Variants in ALOX15 observed in about 807,000 individuals in gnomAD.
ALOX15 encodes the protein polyunsaturated fatty acid lipoxygenase ALOX15.
A neutral mutation model predicts 71.7 loss-of-function variants in ALOX15; 68 were observed. The ratio of observed to expected loss-of-function variants is 0.95; its 90% confidence interval spans 0.78 to 1.16. The LOEUF (loss-of-function observed/expected upper bound fraction) is 1.16. Ranked by LOEUF, ALOX15 falls within the 50% of genes most tolerant of loss-of-function variation. The pLI, the probability that ALOX15 is intolerant of heterozygous loss-of-function variation, is 0.00. For missense variants in ALOX15, 798 were observed against 818.8 expected, an observed-to-expected ratio of 0.97 and a Z score of 0.31; for synonymous variants, 346 against 333.3, an observed-to-expected ratio of 1.04 and a Z score of -0.42.
chr17:4,631,568 TG>T lies in ALOX15; in HGVS notation c.*31del. The T allele has an allele frequency of 6.2e-7, 1 of 1,609,068 alleles. No homozygotes were observed. On this transcript the variant is annotated 3_prime_UTR_variant, in exon 14 of 14. Transcript: ENST00000293761. ...AGGGGTCAGCTTGTGGCTTGGGTGA[TG>T]GGGGCTGAAATAACCAAAGGGTGGC...
At position 4,633,327 on chromosome 17, in the gene ALOX15, G is replaced by A; in HGVS notation, c.1249-12C>T. On this transcript the variant is annotated splice_polypyrimidine_tract_variant and intron_variant, in intron 9 of 13. Coordinates refer to ENST00000293761, the MANE Select transcript of ALOX15 (RefSeq NM_001140.5). ...CCAGTGCTCATTATCTGAGAAGTGAGGGTGAGCAGGGTCAGGCGAATCGAC... is the reference window on the plus strand; with the variant it reads ...CCAGTGCTCATTATCTGAGAAGTGAAGGTGAGCAGGGTCAGGCGAATCGAC... 1 of 1,612,306 alleles carries A rather than the reference G, an allele frequency of 6.2e-7. No individual in the cohort carries two copies. Among genetic ancestry groups the A allele is most frequent in the Non-Finnish European group, 8.5e-7 (1 of 1,178,534 alleles).
intron 8 of ALOX15, among the ~76,000 whole-genome samples, 168 bp from the exon 9 acceptor site, chr17:4,633,668 A>G (rs1388542495): frequency 6.6e-6 from 1 of 152,176 alleles, no homozygotes; most frequent in Non-Finnish European, 1.5e-5. Flanking sequence ...CAACCCAGCA[A>G]TCCCATTACT....
Position 4,631,782 on chromosome 17 carries a change from G to C in ALOX15, c.1810-3C>G. The stretch of plus-strand genomic sequence containing the variant: ...TCCTCATGCTGGCCCACAGCCACCT[G>C]GGAGGGAGAGGAAAAGGTGGCTGAG... On this transcript the variant is annotated splice_polypyrimidine_tract_variant and splice_region_variant and intron_variant, in intron 13 of 13. Transcript: ENST00000293761. The C allele has an allele frequency of 6.2e-7, 1 of 1,613,920 alleles. No homozygotes were observed.
rs1464039484 is a variant in ALOX15, at chr17:4,641,562, G to GT, written c.89dup (p.His30GlnfsTer43). On this transcript the variant is annotated frameshift_variant, in exon 1 of 14. Coordinates refer to ENST00000293761, the MANE Select transcript of ALOX15 (RefSeq NM_001140.5). LOFTEE classifies it high-confidence loss of function. The stretch of plus-strand genomic sequence containing the variant: ...GTCGCTTCCCGAGCGCCGCCTCCCC[G>GT]TGCTGGCCGACCAGCCACAGCTGCA... 6.2e-7 allele frequency: 1 copy of GT among 1,613,336 alleles called. No homozygotes were observed. Among genetic ancestry groups the GT allele is most frequent in the South Asian group, 1.1e-5 (1 of 91,084 alleles).
At chr17:4,639,375 C>T in intron 2 of ALOX15, 55 bp downstream of exon 2, 1 of 1,601,012 alleles carries the variant, frequency 6.2e-7, no homozygotes, top group Non-Finnish European at 8.5e-7. Flanking sequence ...ACGCGCATCC[C>T]CCCAGCTTCT....
chr17:4,632,145 G>A, intron 12 of ALOX15, 36 bp downstream of exon 12: 2 of 1,613,626 alleles, frequency 1.2e-6, no homozygotes, highest in African/African-American at 1.3e-5. Context: ...CTCACTCCAG[G>A]CCCCAAATTC....
chr17:4,634,614 ATC>A (rs1911028378), intron 8 of ALOX15, among the ~76,000 whole-genome samples: 2 of 151,938 alleles, frequency 1.3e-5, no homozygotes, highest in South Asian at 2.1e-4. Flanking sequence ...TATACTGTAT[ATC>A]TGTCTATGTA....
rs200056331 is a variant in ALOX15 at position 4,638,672 on chromosome 17, G to C, written c.555C>G (p.Leu185=). The change falls in exon 5 of 14, where the codon CTC becomes CTG. Residue 185 remains leucine, a synonymous_variant. Transcript: ENST00000293761. The part of the protein sequence containing the change: ...EVSLAKGLAD[L]AIKDSLNVLT... ...GAACATTTAGAGAGTCTTTGATAGC[G>C]AGGTCGGCCAGCCTTCAGGGCAGGA... The C allele has an allele frequency of 3.1e-6, 5 of 1,614,178 alleles. No homozygotes were observed. The South Asian group carries it at 5.5e-5, about 18-fold the overall frequency.
intron 7 of ALOX15, among the ~76,000 whole-genome samples, chr17:4,636,647 G>A (rs532864453): frequency 7.9e-5 from 12 of 152,016 alleles, no homozygotes; most frequent in Non-Finnish European, 1.8e-4. Flanking sequence ...CCCACACCGC[G>A]TGCCCACAGC....
chr17:4,633,461 C>T lies in ALOX15; in HGVS notation c.1201G>A (p.Val401Ile), dbSNP rs764439174. 76 of 1,613,954 alleles carry T rather than the reference C, an allele frequency of 4.7e-5. No individual in the cohort carries two copies. The highest frequency in any genetic ancestry group is 1.1e-5 in the South Asian group (1 of 91,086). Residue 401 changes from valine to isoleucine, a missense_variant, in exon 9 of 14, where the codon GTC becomes ATC. Physicochemically the swap from Val to Ile is conservative, Grantham distance 29 (BLOSUM62 3). Transcript: ENST00000293761. The stretch of plus-strand genomic sequence containing the variant: ...GAGACCAGCCCAGTCCTGGCCCGGA[C>T]GTTAATTTCCAGGGTGTATCGCAGG... ...PHLRYTLEIN[V>I]RARTGLVSDM...
intron 8 of ALOX15, among the ~76,000 whole-genome samples, chr17:4,635,251 T>C (rs1283219192): frequency 6.6e-6 from 1 of 151,584 alleles, no homozygotes; most frequent in Non-Finnish European, 1.5e-5. Context: ...GCCAACATGG[T>C]GAAATCCTGT....
chr17:4,632,727 T>TG, intron 11 of ALOX15, 134 bp downstream of exon 11: 1 of 1,409,400 alleles, frequency 7.1e-7, no homozygotes, highest in Non-Finnish European at 9.6e-7. Context: ...TGACAGGGAG[T>TG]GGAATCTGAG....
intron 1 of ALOX15, among the ~76,000 whole-genome samples, chr17:4,640,922 T>A (rs1473103693): frequency 6.6e-6 from 1 of 151,272 alleles, no homozygotes; most frequent in African/African-American, 2.4e-5. Context: ...GCTTTGACGT[T>A]CCCTGAGACA....
chr17:4,635,943 G>A lies in ALOX15; in HGVS notation c.977C>T (p.Pro326Leu), dbSNP rs923378962. The change falls in exon 8 of 14, where the codon CCA becomes CTA. Residue 326 changes from proline (P) to leucine (L), a missense_variant. Pro to Leu is a moderately conservative substitution (Grantham distance 98). This residue lies in a region of ALOX15 where 490 missense variants were observed against 509.4 expected (regional missense o/e 0.96). Coordinates refer to ENST00000293761, the MANE Select transcript of ALOX15 (RefSeq NM_001140.5). ...CGTAGGCAAGAAAAGGGGAGGTGGT[G>A]GGGATCCTGTGCGGGGCAGCTGGAG... ...IQLQLPRTGSPPPPLFLPTDP... is the reference protein window; with the variant it reads ...IQLQLPRTGSLPPPLFLPTDP... The A allele has an allele frequency of 3.1e-6, 5 of 1,613,994 alleles. No homozygotes were observed. The highest frequency in any genetic ancestry group is 1.1e-5 in the South Asian group (1 of 91,072).
chr17:4,633,210 GC>G lies in ALOX15; in HGVS notation c.1353del (p.Leu452SerfsTer4). On this transcript the variant is annotated frameshift_variant, in exon 10 of 14. Transcript: ENST00000293761. LOFTEE classifies it high-confidence loss of function. The stretch of plus-strand genomic sequence containing the variant: ...TAGAAGGAAGACTTCACTCCCAGGA[GC>G]CCCCGGTCGGCCAAGTCATCAGGGG... ...FCPPDDLADR[G>X]LLGVKSSFYA... The G allele has an allele frequency of 1.9e-6, 3 of 1,614,184 alleles. No individual in the cohort carries two copies. The highest frequency in any genetic ancestry group is 2.5e-6 in the Non-Finnish European group (3 of 1,180,020).
intron 5 of ALOX15, 88 bp downstream of exon 5, chr17:4,638,493 C>T (rs1461686525): frequency 1.4e-6 from 2 of 1,393,538 alleles, no homozygotes; most frequent in African/African-American, 2.8e-5. Flanking sequence ...TCTGGTCTCC[C>T]CACCCTGCTT....
chr17:4,631,649 GGCATGTCCAGCTTT>G lies in ALOX15; in HGVS notation c.1926_1939del (p.Lys643LeufsTer72). 1 of 1,614,056 alleles carries G rather than the reference GGCATGTCCAGCTTT, an allele frequency of 6.2e-7. No homozygotes were observed. The highest frequency in any genetic ancestry group is 1.7e-5 in the Admixed American group (1 of 60,030). On this transcript the variant is annotated frameshift_variant, in exon 14 of 14. Coordinates refer to ENST00000293761, the MANE Select transcript of ALOX15 (RefSeq NM_001140.5). LOFTEE classifies it high-confidence loss of function. Reference sequence around the variant, plus strand: ...CACGCTGGGCCGCAGGTACTCGTAGGGCATGTCCAGCTTTGCATTCCGGATCTCAATTTCCTTAT... The same window carrying G: ...CACGCTGGGCCGCAGGTACTCGTAGGGCATTCCGGATCTCAATTTCCTTAT...
rs1254225886 is a variant in ALOX15 at position 4,637,206 on chromosome 17, T to C, written c.860A>G (p.Asn287Ser). 1 of 1,613,870 alleles carries C rather than the reference T, an allele frequency of 6.2e-7. No individual in the cohort carries two copies. The highest frequency in any genetic ancestry group is 8.5e-7 in the Non-Finnish European group (1 of 1,179,934). The part of the protein sequence containing the change: ...DFSLLDGIKA[N>S]VILCSQQHLA... ...GTGCTGCTGGCTACAGAGAATGACG[T>C]TGGCCTTGATCCCATCCAGCAGGGA... Residue 287 changes from asparagine (N) to serine (S), a missense_variant, in exon 7 of 14, where the codon AAC becomes AGC. Transcript: ENST00000293761.
chr17:4,639,661 G>C (rs1261477178), intron 1 of ALOX15, 30 bp from the exon 2 acceptor site: 3 of 1,582,226 alleles, frequency 1.9e-6, no homozygotes, highest in East Asian at 2.3e-5. Flanking sequence ...CTCAGCCCCG[G>C]TGGGGCCTGG....
Sources: allele counts gnomAD v4.1 joint callset (sites outside exome capture counted in the v4.1 genomes callset), GRCh38; gene constraint gnomAD v4.1.1; regional missense constraint gnomAD v4.1.1; transcripts MANE v1.5; gene names NCBI Gene and HGNC (gene_info 2026-07-23, HGNC 2026-07-21).